ASNS: variants seen among roughly 807,000 people sequenced by gnomAD.
The protein encoded by ASNS is asparagine synthetase [glutamine-hydrolyzing].
In ASNS, 37 loss-of-function variants were observed where a neutral mutation model predicts 62.6. The observed-to-expected ratio is 0.59, with a 90% CI of 0.45 to 0.78. The LOEUF is 0.78. ASNS is among the 30% of genes least tolerant of loss of function. ASNS has a pLI of 0.00. For missense variants in ASNS, 520 were observed against 682.4 expected, an observed-to-expected ratio of 0.76 and a Z score of 2.65; for synonymous variants, 207 against 237.9, an observed-to-expected ratio of 0.87 and a Z score of 1.19.
At chr7:97,897,699 A>T in the ASNS span, among the ~76,000 whole-genome samples, 5 of 152,330 alleles carry the variant, frequency 3.3e-5, no homozygotes, top group East Asian at 3.9e-4. Flanking sequence ...AAGTACAGAG[A>T]TTTCTCAAAA....
chr7:97,904,815 T>C, the ASNS span, among the ~76,000 whole-genome samples: 1 of 152,234 alleles, frequency 6.6e-6, no homozygotes, highest in South Asian at 2.1e-4. Flanking sequence ...CGACAGCTGG[T>C]GGTCTTTCAA....
the ASNS span, among the ~76,000 whole-genome samples, chr7:97,917,860 C>T: frequency 6.6e-6 from 1 of 152,346 alleles, no homozygotes; most frequent in Non-Finnish European, 1.5e-5. Flanking sequence ...ACAAGGCCGG[C>T]GCTGTGAACG....
At chr7:97,876,426 C>CAT (rs1265437282), upstream of ASNS, among the ~76,000 whole-genome samples, 3 of 134,710 alleles carry the variant, frequency 2.2e-5, no homozygotes, top group Non-Finnish European at 4.8e-5. Flanking sequence ...AGGACTCAAA[C>CAT]ATATTTTTTT....
At chr7:97,896,726 A>ACACACACAC in the ASNS span, among the ~76,000 whole-genome samples, 1 of 50,714 alleles carries the variant, frequency 2.0e-5, no homozygotes, top group African/African-American at 7.1e-5. Flanking sequence ...ACACACACAC[A>ACACACACAC]CACACACACA....
chr7:97,881,704 C>A, the ASNS span, among the ~76,000 whole-genome samples: 1 of 152,082 alleles, frequency 6.6e-6, no homozygotes, highest in Admixed American at 6.6e-5. Context: ...CCAGGAGATT[C>A]CAAGGTGCAG....
the ASNS span, among the ~76,000 whole-genome samples, chr7:97,887,999 G>C: frequency 6.6e-6 from 1 of 152,028 alleles, no homozygotes; most frequent in Admixed American, 6.6e-5. Context: ...TTTGTTTTTG[G>C]GTTCTCCCTC....
chr7:97,859,765 T>C (rs556372197), intron 4 of ASNS, among the ~76,000 whole-genome samples: 4 of 151,924 alleles, frequency 2.6e-5, no homozygotes, highest in Non-Finnish European at 5.9e-5. Flanking sequence ...TGAACTGGAG[T>C]CCTAATGTTA....
rs1791203699 is a variant in ASNS, at chr7:97,852,089, A to G, written c.*170T>C. On this transcript the variant is annotated 3_prime_UTR_variant, in exon 13 of 13. Transcript: ENST00000394308. The stretch of plus-strand genomic sequence containing the variant: ...AGCAAAACAGTTCTAGTTACCTCTT[A>G]TGAAGAGACTGCATGAACATAAATG... 2.4e-5 allele frequency: 17 copies of G among 709,232 alleles called. No individual in the cohort carries two copies. In the East Asian group the frequency reaches 4.4e-4, roughly 18 times the overall value. 43.9% of individuals were successfully genotyped at this position (709,232 alleles called of 1,614,324 possible).
At chr7:97,921,936 A>G in the ASNS span, among the ~76,000 whole-genome samples, 5 of 152,226 alleles carry the variant, frequency 3.3e-5, no homozygotes, top group African/African-American at 4.8e-5. Flanking sequence ...ATGGAATACT[A>G]TTCAGCCTTC....
At chr7:97,898,811 T>A in the ASNS span, 1 of 739,734 alleles carries the variant, frequency 1.4e-6, no homozygotes, top group Non-Finnish European at 2.5e-6. Flanking sequence ...ACAGGTAAGA[T>A]CCATGCCATA....
chr7:97,882,403 C>T, the ASNS span, among the ~76,000 whole-genome samples: 1 of 152,040 alleles, frequency 6.6e-6, no homozygotes, highest in East Asian at 1.9e-4. Flanking sequence ...AAAAAATTAG[C>T]CGGGCATGGT....
upstream of ASNS, among the ~76,000 whole-genome samples, chr7:97,873,630 T>C (rs1166431379): frequency 1.3e-5 from 2 of 152,154 alleles, no homozygotes; most frequent in Non-Finnish European, 2.9e-5. Flanking sequence ...ATTTTACAAA[T>C]GAAAAAATAA....
chr7:97,904,766 A>G, the ASNS span, among the ~76,000 whole-genome samples: 1 of 152,200 alleles, frequency 6.6e-6, no homozygotes, highest in Non-Finnish European at 1.5e-5. Flanking sequence ...ATAGAATAGA[A>G]TATATACATT....
At chr7:97,928,127 C>T in the ASNS span, 11 of 1,529,370 alleles carry the variant, frequency 7.2e-6, no homozygotes, top group Admixed American at 2.0e-5. Flanking sequence ...CCTCCCTGCC[C>T]GGCCGCGGCG....
chr7:97,856,846 T>G (rs1484681491), intron 7 of ASNS, 30 bp from the exon 8 acceptor site: 1 of 1,558,588 alleles, frequency 6.4e-7, no homozygotes, highest in East Asian at 2.3e-5. Flanking sequence ...CCCATTTACT[T>G]GTTAAAGAAA....
chr7:97,864,537 T>C (rs1283874966), intron 3 of ASNS, 41 bp from the exon 4 acceptor site: 2 of 1,341,650 alleles, frequency 1.5e-6, no homozygotes, highest in South Asian at 1.2e-5. Context: ...AGACTCCTTG[T>C]ACATTCACTA....
At chr7:97,889,927 C>CAAAAAAAAAAAAAAAAAAAA in the ASNS span, among the ~76,000 whole-genome samples, 8 of 38,558 alleles carry the variant, frequency 2.1e-4, no homozygotes, top group Non-Finnish European at 2.6e-4. Context: ...ATAATGAATA[C>CAAAAAAAAAAAAAAAAAAAA]AAAAAAAAAA....
In ASNS at chr7:97,853,454, T is replaced by C. The variant is rs78754310; in HGVS notation, c.1239-68A>G. On this transcript the variant is annotated intron_variant, in intron 10 of 12. Coordinates refer to ENST00000394308, the MANE Select transcript of ASNS (RefSeq NM_001673.5). ...TAGTGCCTGCCAGGTTAGGTTCTGA[T>C]TCAGTTTCCCATCAATTCAACCAGA... 200 of 1,340,790 alleles carry C rather than the reference T, an allele frequency of 1.5e-4. No individual in the cohort carries two copies. In the African/African-American group the frequency reaches 2.5e-3, roughly 17 times the overall value. 83.1% of individuals were successfully genotyped at this position (1,340,790 alleles called of 1,614,324 possible). A position where few individuals can be genotyped will look rare whatever the true frequency, so the allele number is the denominator to read the frequency against.
chr7:97,873,828 G>T (rs3757674), upstream of ASNS, among the ~76,000 whole-genome samples: 47,221 of 151,190 alleles, frequency 0.31, 7,504 homozygotes, highest in East Asian at 0.44. Flanking sequence ...TGTCCGTCCA[G>T]AGCTCTACAC....
Sources: gnomAD v4.1 joint callset for allele counts (sites outside exome capture counted in the v4.1 genomes callset) on GRCh38, gnomAD v4.1.1 for gene constraint, MANE v1.5 for transcripts, NCBI Gene and HGNC (gene_info 2026-07-23, HGNC 2026-07-21) for gene names.